The following MIA3 variants were observed in gnomAD, a reference collection of about 807,000 sequenced individuals.
MIA3 encodes the protein transport and Golgi organization protein 1 homolog.
A neutral mutation model predicts 192.4 loss-of-function variants in MIA3; 90 were observed. The ratio of observed to expected loss-of-function variants is 0.47; its 90% CI spans 0.39 to 0.56. The LOEUF is 0.56. MIA3 is among the 20% of genes least tolerant of loss of function. The pLI, the probability that MIA3 is intolerant of heterozygous loss-of-function variation, is 0.00. For synonymous variants in MIA3, 740 were observed against 792.8 expected, an observed-to-expected ratio of 0.93 and a Z score of 1.12; for missense variants, 2,123 against 2,269.4, an observed-to-expected ratio of 0.94 and a Z score of 1.31.
chr1:222,618,316 G>A, intron 1 of MIA3, 73 bp downstream of exon 1: 1 of 1,262,404 alleles, frequency 7.9e-7, no homozygotes, highest in South Asian at 2.3e-5. Flanking sequence ...GGGGGTCTCC[G>A]CGGCGGCGCC....
rs1664147519 is a variant in MIA3, at chr1:222,663,917, G to A, written c.5263-81G>A. 5 of 1,318,120 alleles carry A rather than the reference G, an allele frequency of 3.8e-6. No individual in the cohort carries two copies. The South Asian group carries it at 7.0e-5, about 18-fold the overall frequency. 81.7% of individuals were successfully genotyped at this position (1,318,120 alleles called of 1,614,324 possible). Reference sequence around the variant, plus strand: ...ACAAGTGCCTGACATCTGCTTCATTGGGTTTTAGTTTTTACTGGTGTTGGT... The same window carrying A: ...ACAAGTGCCTGACATCTGCTTCATTAGGTTTTAGTTTTTACTGGTGTTGGT... On this transcript the variant is annotated intron_variant, in intron 26 of 27. Transcript: ENST00000344922.
In MIA3 at chr1:222,621,140, T is replaced by C; in HGVS notation, c.134-19T>C. The C allele has an allele frequency of 6.3e-7, 1 of 1,574,828 alleles. No homozygotes were observed. The highest frequency in any genetic ancestry group is 1.2e-5 in the South Asian group (1 of 84,614). On this transcript the variant is annotated intron_variant, in intron 1 of 27. Transcript: ENST00000344922. Reference sequence around the variant, plus strand: ...AATCCTGATATCTGGCTATTTTTTTTCTCTCTCTTTATATACAGTGTTAAT... The same window carrying C: ...AATCCTGATATCTGGCTATTTTTTTCCTCTCTCTTTATATACAGTGTTAAT...
chr1:222,652,317 G>A lies in MIA3; in HGVS notation c.4071G>A (p.Lys1357=). 1 of 1,612,174 alleles carries A rather than the reference G, an allele frequency of 6.2e-7. No individual in the cohort carries two copies. Among genetic ancestry groups the A allele is most frequent in the Non-Finnish European group, 8.5e-7 (1 of 1,178,404 alleles). ...HRVQEENARL[K]KKKEQLQQEI... ...TTCAAGAAGAAAATGCTAGGCTTAA[G>A]AAGAAAAAAGAGCAGGTAAAGGAAA... The change falls in exon 13 of 28, where the codon AAG becomes AAA. Residue 1357 remains lysine, a synonymous_variant. Coordinates refer to ENST00000344922, the MANE Select transcript of MIA3 (RefSeq NM_198551.4).
At chr1:222,653,477 C>T in intron 15 of MIA3, 138 bp downstream of exon 15, 1 of 638,138 alleles carries the variant, frequency 1.6e-6, no homozygotes, top group South Asian at 1.9e-5. Flanking sequence ...TGTCTGTTTG[C>T]ATTGGGCAGA....
At chr1:222,642,905 ATCT>A (rs141347636) in intron 6 of MIA3, among the ~76,000 whole-genome samples, 24,522 of 152,068 alleles carry the variant, frequency 0.16, 3,540 homozygotes, top group African/African-American at 0.39. Context: ...GCTAGCGGCT[ATCT>A]TCTTATTTGT....
chr1:222,629,837 G>A lies in MIA3; in HGVS notation c.2617G>A (p.Gly873Arg). Reference sequence around the variant, plus strand: ...CTCAGGGCTTGCAGGGGAGCCTGAGGGAGAACTCTCAAAAGAGGACCATGA... The same window carrying A: ...CTCAGGGCTTGCAGGGGAGCCTGAGAGAGAACTCTCAAAAGAGGACCATGA... ...KTSGLAGEPE[G>R]ELSKEDHENT... The change falls in exon 4 of 28, where the codon GGA becomes AGA. Residue 873 changes from glycine to arginine, a missense_variant. By Grantham distance (125) the Gly-to-Arg change is moderately radical. Coordinates refer to ENST00000344922, the MANE Select transcript of MIA3 (RefSeq NM_198551.4). 1 of 1,613,738 alleles carries A rather than the reference G, an allele frequency of 6.2e-7. No individual in the cohort carries two copies. The highest frequency in any genetic ancestry group is 1.7e-5 in the Admixed American group (1 of 59,950).
At chr1:222,656,285 T>G (rs1375638076) in intron 18 of MIA3, among the ~76,000 whole-genome samples, 2 of 152,088 alleles carry the variant, frequency 1.3e-5, no homozygotes, top group African/African-American at 4.8e-5. Flanking sequence ...GAATATACTT[T>G]AATGCAGGTT....
intron 2 of MIA3, 38 bp from the exon 3 acceptor site, chr1:222,624,730 G>T: frequency 1.1e-6 from 1 of 931,846 alleles, no homozygotes; most frequent in South Asian, 1.3e-5. Context: ...TACAGAATTT[G>T]ATTGATATGT....
intron 1 of MIA3, among the ~76,000 whole-genome samples, chr1:222,620,055 A>G (rs1360874245): frequency 1.3e-5 from 2 of 152,134 alleles, no homozygotes; most frequent in Non-Finnish European, 2.9e-5. Context: ...CTGGCCTCAC[A>G]CTCAATTATA....
At chr1:222,662,450 T>A in intron 26 of MIA3, 118 bp downstream of exon 26, 1 of 1,552,826 alleles carries the variant, frequency 6.4e-7, no homozygotes, top group Non-Finnish European at 8.7e-7. Flanking sequence ...ATTTATTTTT[T>A]AAAAAAGCAA....
chr1:222,656,661 T>C (rs1250830221), intron 18 of MIA3, among the ~76,000 whole-genome samples: 1 of 152,144 alleles, frequency 6.6e-6, no homozygotes. Context: ...GAGCCTCTTT[T>C]TTCACATATT....
rs1007965770 is a variant in MIA3, at chr1:222,662,111, A to G, written c.5169A>G (p.Lys1723=). ...GATGGTCAGCTGAGGCATCTGGGAAACCCTCTCCTTCTGGTAAGGGAGCAA... is the reference window on the plus strand; with the variant it reads ...GATGGTCAGCTGAGGCATCTGGGAAGCCCTCTCCTTCTGGTAAGGGAGCAA... The part of the protein sequence containing the change: ...HPRWSAEASG[K]PSPSDPGSGT... The change falls in exon 25 of 28, where the codon AAA becomes AAG. Residue 1723 remains lysine, a synonymous_variant. Transcript: ENST00000344922. 8 of 1,613,702 alleles carry G rather than the reference A, an allele frequency of 5.0e-6. No homozygotes were observed. The Admixed American group carries it at 1.2e-4, about 24-fold the overall frequency.
chr1:222,664,237 CT>C, intron 27 of MIA3, 89 bp downstream of exon 27: 1 of 1,386,438 alleles, frequency 7.2e-7, no homozygotes, highest in Non-Finnish European at 1.0e-6. Flanking sequence ...AATTGCGGGG[CT>C]TTGCAATGCA....
chr1:222,664,184 A>G, intron 27 of MIA3, 36 bp downstream of exon 27: 1 of 1,608,932 alleles, frequency 6.2e-7, no homozygotes, highest in South Asian at 1.1e-5. Flanking sequence ...TGACTTGTAA[A>G]GCACATTCAT....
chr1:222,664,251 A>G (rs2124935419), intron 27 of MIA3, 103 bp downstream of exon 27: 1 of 1,254,316 alleles, frequency 8.0e-7, no homozygotes, highest in South Asian at 1.3e-5. Context: ...GCAATGCAGC[A>G]GTGAAGCTGA....
chr1:222,644,711 C>A, intron 6 of MIA3: 1 of 1,053,068 alleles, frequency 9.5e-7, no homozygotes, highest in Non-Finnish European at 1.4e-6. Flanking sequence ...CCGAGGAAAG[C>A]AAGACGTTTC....
Position 222,627,603 on chromosome 1 carries a change from G to A in MIA3, c.383G>A (p.Gly128Glu), listed in dbSNP as rs1662177614. ...DETDFVCFDG[G>E]RDDFHNYNVE... The stretch of plus-strand genomic sequence containing the variant: ...ACGGATTTTGTTTGTTTTGATGGAG[G>A]AAGAGATGATTTTCATAATTATAAT... Residue 128 changes from glycine to glutamate, a missense_variant, in exon 4 of 28, where the codon GGA (glycine) becomes GAA (glutamate). Transcript: ENST00000344922. The A allele has an allele frequency of 6.3e-7, 1 of 1,580,126 alleles. No individual in the cohort carries two copies. The highest frequency in any genetic ancestry group is 8.5e-7 in the Non-Finnish European group (1 of 1,169,626).
Position 222,618,258 on chromosome 1 carries a change from G to A in MIA3, c.133+15G>A. On this transcript the variant is annotated intron_variant, in intron 1 of 27. Coordinates refer to ENST00000344922, the MANE Select transcript of MIA3 (RefSeq NM_198551.4). ...CGAATGCAGCAGTGAGTGCGCTGGA[G>A]GGGCGGCTGGCCTCGGGGCGGCTGG... The A allele has an allele frequency of 7.2e-7, 1 of 1,397,410 alleles. No individual in the cohort carries two copies. The highest frequency in any genetic ancestry group is 9.5e-7 in the Non-Finnish European group (1 of 1,052,058). The allele number at this position is 1,397,410 out of a possible 1,614,324, so 86.6% of individuals were successfully genotyped here.
intron 26 of MIA3, among the ~76,000 whole-genome samples, 189 bp from the exon 27 acceptor site, chr1:222,663,809 G>C (rs1027451328): frequency 6.6e-6 from 1 of 152,188 alleles, no homozygotes; most frequent in African/African-American, 2.4e-5. Context: ...GTTCACTCCT[G>C]TGGCATACTT....
Sources: allele counts gnomAD v4.1 joint callset (sites outside exome capture counted in the v4.1 genomes callset), GRCh38; gene constraint gnomAD v4.1.1; transcripts MANE v1.5; gene names NCBI Gene and HGNC (gene_info 2026-07-23, HGNC 2026-07-21).